Variants in ASTN1 observed in about 807,000 individuals in gnomAD.
The protein encoded by ASTN1 is astrotactin 1.
Under a neutral mutation model 140.7 loss-of-function variants are expected in ASTN1, and 41 were observed. That is an observed-to-expected ratio of 0.29 (90% CI 0.23 to 0.38). ASTN1 has a LOEUF of 0.38. Ranked by LOEUF, ASTN1 falls within the 10% of genes least tolerant of loss-of-function variation. The probability of loss-of-function intolerance (pLI) is 1.00; values close to 1 mark genes in which losing one functional copy is unlikely to be tolerated. For missense variants in ASTN1, 1,479 were observed against 1,678.8 expected (o/e 0.88, Z 2.08); for synonymous variants, 640 against 652.2 (o/e 0.98, Z 0.29).
At chr1:177,016,878 C>G (rs1314396832) in intron 7 of ASTN1, among the ~76,000 whole-genome samples, 3 of 152,204 alleles carry the variant, frequency 2.0e-5, no homozygotes, top group African/African-American at 7.2e-5. Context: ...AGACACTCTC[C>G]TGGTTGTCCT....
At chr1:176,867,839 G>A (rs896644331) in intron 22 of ASTN1, among the ~76,000 whole-genome samples, 1 of 152,142 alleles carries the variant, frequency 6.6e-6, no homozygotes, top group African/African-American at 2.4e-5. Flanking sequence ...ACTTTTGTAT[G>A]GTACTTTCAT....
chr1:176,917,058 T>C (rs1670518448), intron 16 of ASTN1, among the ~76,000 whole-genome samples: 1 of 152,198 alleles, frequency 6.6e-6, no homozygotes, highest in African/African-American at 2.4e-5. Context: ...CCCTCCTTCA[T>C]TCAGTGCGGT....
intron 16 of ASTN1, among the ~76,000 whole-genome samples, chr1:176,904,544 T>C (rs1669904881): frequency 6.6e-6 from 1 of 151,804 alleles, no homozygotes; most frequent in African/African-American, 2.4e-5. Flanking sequence ...TATTTCCAAA[T>C]CTCCATTAGC....
chr1:176,944,832 G>C (rs1226138446), intron 13 of ASTN1, among the ~76,000 whole-genome samples: 2 of 152,208 alleles, frequency 1.3e-5, no homozygotes. Context: ...GCCACCACTA[G>C]ATTAGTGATG....
intron 8 of ASTN1, among the ~76,000 whole-genome samples, chr1:177,008,609 A>G (rs1248098832): frequency 6.6e-6 from 1 of 151,518 alleles, no homozygotes; most frequent in Non-Finnish European, 1.5e-5. Flanking sequence ...GAGAAGAAGA[A>G]GGAGGAGGAA....
chr1:176,984,529 G>A (rs1673793784), intron 8 of ASTN1, among the ~76,000 whole-genome samples: 1 of 152,160 alleles, frequency 6.6e-6, no homozygotes, highest in African/African-American at 2.4e-5. Flanking sequence ...GACTGGAGGA[G>A]ATTATAAAAT....
chr1:177,049,164 T>A (rs1210791828), intron 2 of ASTN1, among the ~76,000 whole-genome samples: 1 of 152,168 alleles, frequency 6.6e-6, no homozygotes, highest in African/African-American at 2.4e-5. Context: ...ACTTTCACAT[T>A]CCTAGAATGT....
At chr1:176,859,777 T>G (rs552527936), downstream of ASTN1, among the ~76,000 whole-genome samples, 2 of 152,124 alleles carry the variant, frequency 1.3e-5, no homozygotes, top group Non-Finnish European at 2.9e-5. Flanking sequence ...AGAGCAAAAC[T>G]CCGTCTCACA....
At chr1:177,138,000 A>G (rs1004575409) in intron 1 of ASTN1, among the ~76,000 whole-genome samples, 2 of 152,154 alleles carry the variant, frequency 1.3e-5, no homozygotes, top group African/African-American at 4.8e-5. Flanking sequence ...AGGGCAGGAA[A>G]TACGGCCCTC....
chr1:176,899,595 G>A (rs370967379), intron 16 of ASTN1, among the ~76,000 whole-genome samples: 4 of 152,148 alleles, frequency 2.6e-5, no homozygotes, highest in African/African-American at 4.8e-5. Context: ...AGACAGCTTA[G>A]GATCTACAGG....
intron 8 of ASTN1, among the ~76,000 whole-genome samples, chr1:176,983,980 G>C (rs1673760265): frequency 6.6e-6 from 1 of 152,172 alleles, no homozygotes; most frequent in Non-Finnish European, 1.5e-5. Context: ...TGCTGCTGTA[G>C]AATGATCCAG....
At chr1:176,890,996 C>T (rs12138487) in intron 17 of ASTN1, among the ~76,000 whole-genome samples, 8 of 151,826 alleles carry the variant, frequency 5.3e-5, no homozygotes, top group Non-Finnish European at 8.8e-5. Context: ...CACTGTACTC[C>T]GGCCTGGGCA....
chr1:177,097,830 C>T (rs541841066), intron 1 of ASTN1, among the ~76,000 whole-genome samples: 2 of 152,176 alleles, frequency 1.3e-5, no homozygotes, highest in African/African-American at 4.8e-5. Context: ...ATCGATTACG[C>T]CTATATAATG....
chr1:176,893,561 C>A (rs1006273630), intron 17 of ASTN1, among the ~76,000 whole-genome samples: 13 of 152,214 alleles, frequency 8.5e-5, no homozygotes, highest in African/African-American at 3.1e-4. Context: ...GAAACACACA[C>A]ACCTACAAAA....
At chr1:177,066,770 G>T (rs1272718536) in intron 1 of ASTN1, among the ~76,000 whole-genome samples, 1 of 152,158 alleles carries the variant, frequency 6.6e-6, no homozygotes, top group Non-Finnish European at 1.5e-5. Context: ...AATTGTCAAA[G>T]AACTTTAATT....
At chr1:177,093,445 T>G (rs1679872268) in intron 1 of ASTN1, among the ~76,000 whole-genome samples, 1 of 152,172 alleles carries the variant, frequency 6.6e-6, no homozygotes, top group African/African-American at 2.4e-5. Flanking sequence ...CTATTACCCA[T>G]TCCTCTAAAA....
At chr1:177,007,711 G>T (rs1675067940) in intron 8 of ASTN1, among the ~76,000 whole-genome samples, 2 of 152,142 alleles carry the variant, frequency 1.3e-5, no homozygotes, top group Admixed American at 1.3e-4. Context: ...ACTCATTAGG[G>T]CACATTTTGT....
intron 1 of ASTN1, among the ~76,000 whole-genome samples, chr1:177,164,029 GGGGAGAA>G (rs1256893029): frequency 6.6e-6 from 1 of 152,074 alleles, no homozygotes; most frequent in Non-Finnish European, 1.5e-5. Flanking sequence ...GCTAGGGAGT[GGGGAGAA>G]GGGATTATGG....
At chr1:176,971,341 G>A (rs543700649) in intron 8 of ASTN1, among the ~76,000 whole-genome samples, 2 of 152,180 alleles carry the variant, frequency 1.3e-5, no homozygotes, top group African/African-American at 4.8e-5. Context: ...TACTAGTTCT[G>A]GGAAAAATAA....
Sources: gnomAD v4.1 joint callset for allele counts (sites outside exome capture counted in the v4.1 genomes callset) on GRCh38, gnomAD v4.1.1 for gene constraint, MANE v1.5 for transcripts, NCBI Gene and HGNC (gene_info 2026-07-23, HGNC 2026-07-21) for gene names.